CPB2: variants seen among roughly 807,000 people sequenced by gnomAD.
The protein encoded by CPB2 is carboxypeptidase B-like protein.
CPB2 carries 54 observed loss-of-function variants against 57.0 expected under a neutral mutation model. The ratio of observed to expected loss-of-function variants is 0.95; its 90% CI spans 0.76 to 1.19. The LOEUF is 1.19. Among genes scored for constraint, CPB2 ranks in the 50% most tolerant of loss-of-function variants. CPB2 has a pLI of 0.00. For synonymous variants in CPB2, 189 were observed against 178.1 expected, an observed-to-expected ratio of 1.06 and a Z score of -0.49; for missense variants, 426 against 512.0, an observed-to-expected ratio of 0.83 and a Z score of 1.62.
intron 1 of CPB2, among the ~76,000 whole-genome samples, chr13:46,090,586 A>G (rs1298301516): frequency 1.3e-5 from 2 of 151,094 alleles, no homozygotes; most frequent in Non-Finnish European, 2.9e-5. Context: ...CTGGTCTCGA[A>G]CTCCTGACCC....
At chr13:46,098,463 C>T (rs2045394213) in intron 1 of CPB2, 1 of 152,168 alleles carries the variant, frequency 6.6e-6, no homozygotes, top group Non-Finnish European at 1.5e-5. Context: ...GAAAATTGAC[C>T]TGAGTGACAC....
rs139410768 is a variant in CPB2 at position 46,104,875 on chromosome 13, C to T, written c.74+61G>A. On this transcript the variant is annotated intron_variant, in intron 1 of 10. Transcript: ENST00000181383. The stretch of plus-strand genomic sequence containing the variant: ...ACCAGCTCAGTGCACTGACTTGACA[C>T]GACATGAGGCAAACAAGTGAGGAGA... The T allele has an allele frequency of 3.3e-4, 524 of 1,598,796 alleles. 3 individuals are homozygous for T. The highest frequency in any genetic ancestry group is 2.9e-3 in the South Asian group (266 of 90,466).
intron 1 of CPB2, among the ~76,000 whole-genome samples, chr13:46,088,619 G>C (rs192377731): frequency 6.6e-6 from 1 of 152,302 alleles, no homozygotes; most frequent in Admixed American, 6.5e-5. Context: ...TATATTGTCA[G>C]TAGCAGTGGA....
rs367588954 is a variant in CPB2 at position 46,055,836 on chromosome 13, C to G, written c.1013G>C (p.Ser338Thr). The G allele has an allele frequency of 2.8e-5, 45 of 1,596,120 alleles. No homozygotes were observed. Among genetic ancestry groups the G allele is most frequent in the Non-Finnish European group, 3.7e-5 (43 of 1,167,396 alleles). ...TTTCTCAATAGCACGAACTGCTTCA[C>G]TGGCTACTAGAGACTGGAAGCAACA... ...KDHEELSLVA[S>T]EAVRAIEKIS... Residue 338 changes from serine (S) to threonine (T), a missense_variant, in exon 10 of 11, where the codon AGT becomes ACT. Coordinates refer to ENST00000181383, the MANE Select transcript of CPB2 (RefSeq NM_001872.5).
chr13:46,092,075 A>G (rs1173417985), intron 1 of CPB2, among the ~76,000 whole-genome samples: 4 of 152,224 alleles, frequency 2.6e-5, no homozygotes. Flanking sequence ...TTTATTTTCA[A>G]ACAAATATTG....
chr13:46,087,573 G>A (rs2045229439), intron 2 of CPB2, among the ~76,000 whole-genome samples, 172 bp downstream of exon 2: 1 of 152,224 alleles, frequency 6.6e-6, no homozygotes, highest in Non-Finnish European at 1.5e-5. Flanking sequence ...AAGTGAAGAA[G>A]TGTTGATTTG....
At chr13:46,064,790 C>T (rs181702208) in intron 7 of CPB2, 49 bp from the exon 8 acceptor site, 1 of 1,462,918 alleles carries the variant, frequency 6.8e-7, no homozygotes, top group African/African-American at 1.4e-5. Flanking sequence ...ACGTTCAAGG[C>T]CTGAGGAAAG....
chr13:46,102,614 G>A, intron 1 of CPB2, among the ~76,000 whole-genome samples: 1 of 138,082 alleles, frequency 7.2e-6, no homozygotes. Context: ...TTTTTTAGAA[G>A]GGTTGATATT....
chr13:46,079,549 A>AG (rs1566408577), intron 4 of CPB2, among the ~76,000 whole-genome samples: 15 of 147,150 alleles, frequency 1.0e-4, no homozygotes, highest in African/African-American at 2.9e-4. Context: ...AAAAAAAAAA[A>AG]AAAAAAGAAA....
At chr13:46,087,653 A>T in intron 2 of CPB2, 92 bp downstream of exon 2, 1 of 809,682 alleles carries the variant, frequency 1.2e-6, no homozygotes, top group Non-Finnish European at 2.1e-6. Context: ...CATACCAGAT[A>T]CATGTAAGCC....
rs750124567 is a variant in CPB2, at chr13:46,082,474, T to G, written c.351A>C (p.Ala117=). Residue 117 remains alanine, a synonymous_variant, in exon 4 of 11, where the codon GCA becomes GCC. Coordinates refer to ENST00000181383, the MANE Select transcript of CPB2 (RefSeq NM_001872.5). ...GTGAGTGATACTGTTCATAGTACGA[T>G]GCGGAGGCTCGGGGGCTGACTGTGT... is the stretch of plus-strand genomic sequence containing the variant. ...SNDTVSPRAS[A]SYYEQYHSLN... 2 of 1,613,446 alleles carry G rather than the reference T, an allele frequency of 1.2e-6. No individual in the cohort carries two copies. The highest frequency in any genetic ancestry group is 1.7e-6 in the Non-Finnish European group (2 of 1,179,532).
At chr13:46,089,223 A>G (rs2045255690) in intron 1 of CPB2, among the ~76,000 whole-genome samples, 1 of 151,872 alleles carries the variant, frequency 6.6e-6, no homozygotes, top group African/African-American at 2.4e-5. Context: ...GGGATCCACT[A>G]TGTCAATTTT....
chr13:46,086,689 C>T (rs560190461), intron 2 of CPB2, among the ~76,000 whole-genome samples: 4 of 152,350 alleles, frequency 2.6e-5, no homozygotes, highest in African/African-American at 9.6e-5. Flanking sequence ...GGGACCCGCC[C>T]TTTTCTGCCT....
intron 1 of CPB2, among the ~76,000 whole-genome samples, chr13:46,091,516 T>TA (rs1218170575): frequency 3.3e-5 from 5 of 152,198 alleles, no homozygotes; most frequent in Non-Finnish European, 7.4e-5. Context: ...TTATCAGTTT[T>TA]AAAAAACTCC....
At chr13:46,096,861 CA>C (rs1027624353) in intron 1 of CPB2, among the ~76,000 whole-genome samples, 4 of 152,084 alleles carry the variant, frequency 2.6e-5, no homozygotes, top group African/African-American at 9.7e-5. Flanking sequence ...GAAATCGTCC[CA>C]AATAGGCAGA....
intron 8 of CPB2, among the ~76,000 whole-genome samples, chr13:46,060,381 G>T (rs1486121657): frequency 2.6e-5 from 4 of 151,732 alleles, no homozygotes; most frequent in African/African-American, 7.3e-5. Flanking sequence ...AAACTTGCTT[G>T]AACCCAGGAG....
At chr13:46,053,983 A>G (rs2044637869) in intron 10 of CPB2, among the ~76,000 whole-genome samples, 185 bp from the exon 11 acceptor site, 1 of 152,128 alleles carries the variant, frequency 6.6e-6, no homozygotes, top group Non-Finnish European at 1.5e-5. Flanking sequence ...GTCTCTTTAG[A>G]ATATTCTTCC....
intron 6 of CPB2, among the ~76,000 whole-genome samples, chr13:46,071,261 T>G (rs2044938039): frequency 6.6e-6 from 1 of 152,010 alleles, no homozygotes; most frequent in Non-Finnish European, 1.5e-5. Context: ...TAGATCTGTG[T>G]AGGAACTAGA....
At chr13:46,075,157 A>T (rs1461630915) in intron 5 of CPB2, among the ~76,000 whole-genome samples, 1 of 152,116 alleles carries the variant, frequency 6.6e-6, no homozygotes, top group Non-Finnish European at 1.5e-5. Context: ...CATTTGAACC[A>T]CTCCAGGAGG....
Sources: gnomAD v4.1 joint callset for allele counts (sites outside exome capture counted in the v4.1 genomes callset) on GRCh38, gnomAD v4.1.1 for gene constraint, MANE v1.5 for transcripts, NCBI Gene and HGNC (gene_info 2026-07-23, HGNC 2026-07-21) for gene names.